The following TCF4 variants were observed in gnomAD, a reference collection of about 807,000 sequenced individuals.
The protein encoded by TCF4 is transcription factor 4.
TCF4 carries 3 observed loss-of-function variants against 82.1 expected under a neutral mutation model. The ratio of observed to expected loss-of-function variants is 0.04; its 90% CI spans 0.02 to 0.09. The LOEUF (loss-of-function observed/expected upper bound fraction) is 0.09. TCF4 is among the 10% of genes least tolerant of loss of function. The pLI, the probability that TCF4 is intolerant of heterozygous loss-of-function variation, is 1.00. For missense variants in TCF4, 518 were observed against 852.7 expected, an observed-to-expected ratio of 0.61 and a Z score of 4.89; for synonymous variants, 276 against 309.6, an observed-to-expected ratio of 0.89 and a Z score of 1.14.
At chr18:55,586,257 T>C in intron 2 of TCF4, 4 of 954,232 alleles carry the variant, frequency 4.2e-6, no homozygotes, top group Non-Finnish European at 6.2e-6. Flanking sequence ...GAAGGCGGTT[T>C]GGATTTTATT....
chr18:55,468,317 G>C (rs1186029143), intron 3 of TCF4, among the ~76,000 whole-genome samples: 2 of 152,194 alleles, frequency 1.3e-5, no homozygotes, highest in Non-Finnish European at 2.9e-5. Context: ...CTATTAAGTA[G>C]ACAAAGCAGA....
intron 3 of TCF4, chr18:55,482,954 CCTTCT>C (rs2096461756): frequency 6.6e-6 from 1 of 152,292 alleles, no homozygotes; most frequent in Admixed American, 6.5e-5. Flanking sequence ...AGTGTCTTGT[CCTTCT>C]CCTTCATTGG....
intron 3 of TCF4, among the ~76,000 whole-genome samples, chr18:55,561,898 A>C (rs2097358393): frequency 6.6e-6 from 1 of 152,202 alleles, no homozygotes; most frequent in African/African-American, 2.4e-5. Flanking sequence ...GATCTAAAAT[A>C]AAATGTCAGT....
chr18:55,295,956 CTGTT>C (rs921067710), intron 8 of TCF4, among the ~76,000 whole-genome samples: 3 of 152,126 alleles, frequency 2.0e-5, no homozygotes, highest in African/African-American at 4.8e-5. Context: ...TTTTAATAGT[CTGTT>C]TGCCTATCTC....
rs531551001 is a variant in TCF4 at position 55,252,767 on chromosome 18, T to C, written c.1350+1730A>G. 5.3e-5 allele frequency among the ~76,000 whole-genome samples: 8 copies of C among 152,262 alleles called. No homozygotes were observed. In the South Asian group the frequency reaches 6.2e-4, roughly 12 times the overall value. ...AGAAATTAAACTATTTTTCTGTTGA[T>C]TGAGAGCAGATATACAGAAATGGTT... On this transcript the variant is annotated intron_variant, in intron 15 of 19. Transcript: ENST00000354452.
At chr18:55,400,986 C>T in intron 6 of TCF4, 16 of 1,289,128 alleles carry the variant, frequency 1.2e-5, no homozygotes, top group Non-Finnish European at 1.5e-5. Flanking sequence ...AGCCTCCCCT[C>T]CACGAGTCAC....
At chr18:55,291,674 G>A (rs2065125667) in intron 8 of TCF4, among the ~76,000 whole-genome samples, 1 of 152,124 alleles carries the variant, frequency 6.6e-6, no homozygotes, top group Non-Finnish European at 1.5e-5. Flanking sequence ...CCAATCAGCT[G>A]CTTCTCTGTC....
intron 5 of TCF4, among the ~76,000 whole-genome samples, chr18:55,432,678 G>A (rs181501489): frequency 8.5e-4 from 129 of 152,286 alleles, no homozygotes; most frequent in African/African-American, 2.9e-3. Context: ...ATGCTACACC[G>A]ATTCTACTTT....
chr18:55,306,161 TA>T (rs202207904), intron 8 of TCF4, among the ~76,000 whole-genome samples: 3,252 of 152,316 alleles, frequency 0.021, 59 homozygotes, highest in Non-Finnish European at 0.033. Context: ...ACATAGAAGA[TA>T]AATGTATCTA....
chr18:55,390,358 ATACTAT>A (rs2092987556), intron 6 of TCF4, among the ~76,000 whole-genome samples: 2 of 139,974 alleles, frequency 1.4e-5, no homozygotes, highest in South Asian at 3.0e-4. Flanking sequence ...CATGGTTACT[ATACTAT>A]TAGCTGAAGT....
At chr18:55,517,300 A>T (rs1050654038) in intron 3 of TCF4, among the ~76,000 whole-genome samples, 1 of 152,110 alleles carries the variant, frequency 6.6e-6, no homozygotes, top group African/African-American at 2.4e-5. Context: ...GATGTGAAGA[A>T]CCCTGAGCTA....
chr18:55,625,086 T>C (rs1342119128), intron 2 of TCF4, among the ~76,000 whole-genome samples: 3 of 152,200 alleles, frequency 2.0e-5, no homozygotes, highest in Non-Finnish European at 4.4e-5. Context: ...TCTGGTATTT[T>C]AGAGAATAAA....
chr18:55,585,437 A>C, intron 2 of TCF4, 85 bp from the exon 3 acceptor site: 1 of 1,231,130 alleles, frequency 8.1e-7, no homozygotes, highest in Non-Finnish European at 1.2e-6. Context: ...ACTGTTACCA[A>C]ACAGCTTAGA....
At chr18:55,285,301 T>C (rs1463023296) in intron 8 of TCF4, among the ~76,000 whole-genome samples, 3 of 152,256 alleles carry the variant, frequency 2.0e-5, no homozygotes, top group Non-Finnish European at 4.4e-5. Context: ...AAGCAATTTA[T>C]CTCTCAGAAC....
intron 8 of TCF4, among the ~76,000 whole-genome samples, chr18:55,318,422 C>T (rs1229266465): frequency 1.3e-5 from 2 of 151,840 alleles, no homozygotes; most frequent in African/African-American, 2.4e-5. Flanking sequence ...AAATCTGTTT[C>T]GTAGTTCAGA....
At chr18:55,567,851 T>TC (rs1375156822) in intron 3 of TCF4, among the ~76,000 whole-genome samples, 1 of 152,134 alleles carries the variant, frequency 6.6e-6, no homozygotes, top group African/African-American at 2.4e-5. Flanking sequence ...AAAGCAAGCC[T>TC]CAACAAATAT....
rs1018310257 is a variant in TCF4 at position 55,472,821 on chromosome 18, G to T, written c.146-8684C>A. Among the ~76,000 whole-genome samples the T allele has an allele frequency of 2.6e-5, 4 of 152,034 alleles. No individual in the cohort carries two copies. The South Asian group carries it at 8.3e-4, about 32-fold the overall frequency. ...GTACTTAAATAAATGTGAAAATATTGCAAGGAAGTTTTTAAGTAGGTGTTT... is the reference window on the plus strand; with the variant it reads ...GTACTTAAATAAATGTGAAAATATTTCAAGGAAGTTTTTAAGTAGGTGTTT... On this transcript the variant is annotated intron_variant, in intron 3 of 19. Coordinates refer to ENST00000354452, the MANE Select transcript of TCF4 (RefSeq NM_001083962.2).
At chr18:55,328,771 C>T (rs557702157) in intron 8 of TCF4, among the ~76,000 whole-genome samples, 1 of 152,226 alleles carries the variant, frequency 6.6e-6, no homozygotes, top group East Asian at 1.9e-4. Flanking sequence ...ACAGGATGTT[C>T]TCAATTTTAA....
chr18:55,277,789 G>C (rs2061747269), intron 9 of TCF4, among the ~76,000 whole-genome samples: 1 of 152,140 alleles, frequency 6.6e-6, no homozygotes, highest in Non-Finnish European at 1.5e-5. Context: ...TTCCGTCAAT[G>C]TTTTCAATCG....
Sources: allele counts gnomAD v4.1 joint callset (sites outside exome capture counted in the v4.1 genomes callset), GRCh38; gene constraint gnomAD v4.1.1; transcripts MANE v1.5; gene names NCBI Gene and HGNC (gene_info 2026-07-23, HGNC 2026-07-21).